The following ADAM2 variants were observed in gnomAD, a reference collection of about 807,000 sequenced individuals.
ADAM2 encodes ADAM metallopeptidase domain 2.
In ADAM2, 101 loss-of-function variants were observed where a neutral mutation model predicts 99.3. The observed-to-expected ratio is 1.02, with a 90% CI of 0.87 to 1.20. ADAM2 has a LOEUF of 1.20. ADAM2 is among the 50% of genes most tolerant of loss of function. The pLI, the probability that ADAM2 is intolerant of heterozygous loss-of-function variation, is 0.00. For missense variants in ADAM2, 948 were observed against 878.7 expected (o/e 1.08, Z -1.00); for synonymous variants, 323 against 287.6 (o/e 1.12, Z -1.25).
chr8:39,777,035 G>T lies in ADAM2; in HGVS notation c.1018C>A (p.Pro340Thr), dbSNP rs761243547. 9.6e-6 allele frequency: 15 copies of T among 1,569,800 alleles called. No homozygotes were observed. In the South Asian group the frequency reaches 1.2e-4, roughly 13 times the overall value. The change falls in exon 11 of 21, where the codon CCA becomes ACA. Residue 340 changes from proline (P) to threonine (T), a missense_variant. Physicochemically the swap from Pro to Thr is conservative, Grantham distance 38. Transcript: ENST00000265708. The stretch of plus-strand genomic sequence containing the variant: ...AGTCAGAAATCTTACATTGCTTCTG[G>T]ATTCATAATGCAGACAGCTCCTGAG... ...QCSGAVCIMN[P>T]EAIHFSGVKI...
Position 39,837,173 on chromosome 8 carries a change from T to A in ADAM2, c.95A>T (p.Lys32Ile). ...TCCTTCCTTTATTATTGACCGTATT[T>A]TCTCCGGAACTGTAATTTGCACAGG... is the stretch of plus-strand genomic sequence containing the variant. ...SLPVQITVPE[K>I]IRSIIKEGIE... The change falls in exon 2 of 21, where the codon AAA becomes ATA. Residue 32 changes from lysine to isoleucine, a missense_variant. Coordinates refer to ENST00000265708, the MANE Select transcript of ADAM2 (RefSeq NM_001464.5). 1 of 1,610,750 alleles carries A rather than the reference T, an allele frequency of 6.2e-7. No homozygotes were observed. The highest frequency in any genetic ancestry group is 1.7e-5 in the Admixed American group (1 of 59,768).
Position 39,821,578 on chromosome 8 carries a change from A to T in ADAM2, c.344+8T>A, listed in dbSNP as rs1423980232. The T allele has an allele frequency of 6.4e-7, 1 of 1,566,180 alleles. No homozygotes were observed. On this transcript the variant is annotated splice_region_variant and intron_variant, in intron 5 of 20. Transcript: ENST00000265708. ...TATTTTGTAATTCATAAAACAGTAAATTACAACCTGAGTCCAGTACATGTG... is the reference window on the plus strand; with the variant it reads ...TATTTTGTAATTCATAAAACAGTAATTTACAACCTGAGTCCAGTACATGTG...
At chr8:39,807,281 T>C (rs946661168) in intron 7 of ADAM2, among the ~76,000 whole-genome samples, 1 of 152,240 alleles carries the variant, frequency 6.6e-6, no homozygotes, top group Non-Finnish European at 1.5e-5. Context: ...TCAGGTTTCA[T>C]AGCTGGAGGG....
intron 18 of ADAM2, among the ~76,000 whole-genome samples, chr8:39,747,423 G>A (rs999206225): frequency 4.6e-5 from 7 of 152,100 alleles, no homozygotes; most frequent in African/African-American, 1.7e-4. Flanking sequence ...ATTCTTAGTA[G>A]CCTTACTGTT....
intron 6 of ADAM2, among the ~76,000 whole-genome samples, chr8:39,812,163 C>T (rs536210773): frequency 6.6e-6 from 1 of 152,282 alleles, no homozygotes; most frequent in South Asian, 2.1e-4. Context: ...CATGAGTAAA[C>T]TCCCATTCAC....
intron 4 of ADAM2, 54 bp from the exon 5 acceptor site, chr8:39,821,716 A>G: frequency 8.3e-7 from 1 of 1,208,972 alleles, no homozygotes; most frequent in East Asian, 2.4e-5. Context: ...TACAGATACA[A>G]TTTTCAAATA....
intron 7 of ADAM2, among the ~76,000 whole-genome samples, chr8:39,803,236 G>GGAAACTTAAA (rs1183212454): frequency 1.3e-5 from 2 of 152,008 alleles, no homozygotes; most frequent in Non-Finnish European, 2.9e-5. Flanking sequence ...GGCAAAAGGT[G>GGAAACTTAAA]GAAACTTAAA....
chr8:39,777,542 T>G (rs370303222), intron 10 of ADAM2, among the ~76,000 whole-genome samples: 1 of 152,040 alleles, frequency 6.6e-6, no homozygotes, highest in East Asian at 1.9e-4. Context: ...GGAAGGGTAG[T>G]ACAAAGTGGG....
intron 4 of ADAM2, among the ~76,000 whole-genome samples, chr8:39,821,929 CA>C (rs1279488693): frequency 6.6e-6 from 1 of 152,100 alleles, no homozygotes; most frequent in Admixed American, 6.6e-5. Context: ...TAAACATCAT[CA>C]AAACTTATAT....
At chr8:39,773,839 G>T (rs1028495569) in intron 11 of ADAM2, among the ~76,000 whole-genome samples, 1 of 151,742 alleles carries the variant, frequency 6.6e-6, no homozygotes, top group Non-Finnish European at 1.5e-5. Context: ...TATGAAGCCC[G>T]TGTAACTGTG....
intron 6 of ADAM2, among the ~76,000 whole-genome samples, chr8:39,815,608 C>T (rs925734307): frequency 3.3e-5 from 5 of 152,136 alleles, no homozygotes; most frequent in African/African-American, 4.8e-5. Context: ...ACTTGGCAAG[C>T]ACTTCCTGGT....
intron 11 of ADAM2, among the ~76,000 whole-genome samples, chr8:39,770,939 T>A (rs368524121): frequency 2.6e-5 from 4 of 152,374 alleles, no homozygotes; most frequent in African/African-American, 9.6e-5. Flanking sequence ...GCTCATCATA[T>A]GCTTTGATTC....
rs1586125998 is a variant in ADAM2, at chr8:39,802,159, C to T, written c.570+7251G>A. On this transcript the variant is annotated intron_variant, in intron 7 of 20. Coordinates refer to ENST00000265708, the MANE Select transcript of ADAM2 (RefSeq NM_001464.5). ...GTGGGATCCATGGGTTTCACAGTTC[C>T]GTGGGAAAAGCAGTTTCCCCAGCTG... is the stretch of plus-strand genomic sequence containing the variant. Among the ~76,000 whole-genome samples the T allele has an allele frequency of 2.0e-5, 3 of 152,166 alleles. No individual in the cohort carries two copies. The East Asian group carries it at 5.8e-4, about 29-fold the overall frequency.
intron 3 of ADAM2, among the ~76,000 whole-genome samples, chr8:39,827,013 A>G (rs1397733000): frequency 6.6e-6 from 1 of 152,014 alleles, no homozygotes; most frequent in Admixed American, 6.6e-5. Flanking sequence ...ATAAGGGGTC[A>G]AAATCCAAAA....
chr8:39,767,233 C>T lies in ADAM2; in HGVS notation c.1231G>A (p.Glu411Lys). ...CATGTGGCAATATCACAGCATGTTTCTCCAATAAGGGCACAATCCTGTAAG... is the reference window on the plus strand; with the variant it reads ...CATGTGGCAATATCACAGCATGTTTTTCCAATAAGGGCACAATCCTGTAAG... Reference protein sequence around the residue: ...GTEQDCALIGETCCDIATCRF... With the variant: ...GTEQDCALIGKTCCDIATCRF... The change falls in exon 13 of 21, where the codon GAA (glutamate) becomes AAA (lysine). Residue 411 changes from glutamate to lysine, a missense_variant. Coordinates refer to ENST00000265708, the MANE Select transcript of ADAM2 (RefSeq NM_001464.5). 2 of 1,606,680 alleles carry T rather than the reference C, an allele frequency of 1.2e-6. No individual in the cohort carries two copies. Among genetic ancestry groups the T allele is most frequent in the Non-Finnish European group, 1.7e-6 (2 of 1,178,332 alleles).
chr8:39,766,712 T>G, intron 14 of ADAM2, 136 bp downstream of exon 14: 1 of 755,522 alleles, frequency 1.3e-6, no homozygotes, highest in South Asian at 2.2e-5. Context: ...CTGGCCGTAT[T>G]CTTCTCTTTC....
chr8:39,834,306 G>A (rs926068133), intron 2 of ADAM2, among the ~76,000 whole-genome samples: 2 of 151,992 alleles, frequency 1.3e-5, no homozygotes, highest in African/African-American at 4.8e-5. Context: ...GGAGTCTGGG[G>A]TTTTCTATAT....
chr8:39,801,352 C>T (rs1804201861), intron 7 of ADAM2, among the ~76,000 whole-genome samples: 1 of 152,170 alleles, frequency 6.6e-6, no homozygotes, highest in Non-Finnish European at 1.5e-5. Context: ...GGAGATGTCA[C>T]TCAAGAAGGC....
intron 7 of ADAM2, among the ~76,000 whole-genome samples, chr8:39,808,695 A>G (rs899119138): frequency 2.6e-5 from 4 of 152,188 alleles, no homozygotes; most frequent in Non-Finnish European, 5.9e-5. Flanking sequence ...AGGCAGGTGG[A>G]TCACGAGGTA....
Sources: gnomAD v4.1 joint callset for allele counts (sites outside exome capture counted in the v4.1 genomes callset) on GRCh38, gnomAD v4.1.1 for gene constraint, MANE v1.5 for transcripts, NCBI Gene and HGNC (gene_info 2026-07-23, HGNC 2026-07-21) for gene names.